UST: variants seen among roughly 807,000 people sequenced by gnomAD.
The protein encoded by UST is chondroitin sulfate 2-O-sulfotransferase.
UST carries 21 observed loss-of-function variants against 45.6 expected under a neutral mutation model. That is an observed-to-expected ratio of 0.46 (90% CI 0.33 to 0.66). UST has a LOEUF of 0.66. Ranked by LOEUF, UST falls within the 30% of genes least tolerant of loss-of-function variation. The pLI is 0.02. For synonymous variants in UST, 215 were observed against 200.6 expected (o/e 1.07, Z -0.61); for missense variants, 463 against 512.4 (o/e 0.90, Z 0.93).
chr6:149,061,796 C>G (rs1010892251), intron 7 of UST, among the ~76,000 whole-genome samples: 2 of 152,242 alleles, frequency 1.3e-5, no homozygotes, highest in African/African-American at 4.8e-5. Flanking sequence ...CAAAGAGCCA[C>G]AGTTCACATT....
intron 5 of UST, among the ~76,000 whole-genome samples, chr6:148,983,581 A>G (rs1781179605): frequency 6.6e-6 from 1 of 152,240 alleles, no homozygotes; most frequent in Non-Finnish European, 1.5e-5. Context: ...TGTCACACAG[A>G]GTTAACTCCT....
intron 5 of UST, among the ~76,000 whole-genome samples, chr6:148,975,070 G>T (rs146803254): frequency 4.4e-4 from 67 of 152,246 alleles, no homozygotes; most frequent in African/African-American, 1.6e-3. Context: ...ATAATCGATG[G>T]CATTCTATGT....
intron 6 of UST, among the ~76,000 whole-genome samples, chr6:149,020,262 G>A (rs1221067648): frequency 6.6e-6 from 1 of 152,112 alleles, no homozygotes; most frequent in African/African-American, 2.4e-5. Flanking sequence ...AGGAGTGTTG[G>A]TTTTTGACTT....
chr6:148,918,001 G>A (rs921766750), intron 2 of UST, among the ~76,000 whole-genome samples: 7 of 152,042 alleles, frequency 4.6e-5, no homozygotes, highest in Non-Finnish European at 1.0e-4. Context: ...TGTGGGTCCC[G>A]GGTGGCTGCA....
At chr6:148,989,945 T>C (rs1781316008) in intron 5 of UST, among the ~76,000 whole-genome samples, 1 of 152,232 alleles carries the variant, frequency 6.6e-6, no homozygotes, top group Admixed American at 6.5e-5. Flanking sequence ...TCTAAGTCGA[T>C]GAAAATCCAA....
chr6:149,001,679 T>C (rs577864561), intron 5 of UST, among the ~76,000 whole-genome samples: 25 of 152,298 alleles, frequency 1.6e-4, no homozygotes, highest in African/African-American at 6.0e-4. Flanking sequence ...TCCTACTTAC[T>C]GAGTTCATTA....
intron 2 of UST, among the ~76,000 whole-genome samples, chr6:148,928,415 T>C (rs1227429996): frequency 1.3e-5 from 2 of 152,214 alleles, no homozygotes; most frequent in Non-Finnish European, 2.9e-5. Context: ...GATCACAAAA[T>C]CCCAAGAGAT....
At chr6:149,045,466 G>T (rs1396798172) in intron 7 of UST, among the ~76,000 whole-genome samples, 2 of 152,166 alleles carry the variant, frequency 1.3e-5, no homozygotes, top group Non-Finnish European at 2.9e-5. Context: ...ATATTTTTGA[G>T]CCCAGATGAT....
intron 2 of UST, among the ~76,000 whole-genome samples, chr6:148,939,119 C>T (rs919221078): frequency 2.0e-5 from 3 of 152,006 alleles, no homozygotes; most frequent in Non-Finnish European, 2.9e-5. Context: ...TTTATAATGA[C>T]ATCAAAAAGA....
At chr6:148,815,663 A>G (rs1297167075) in intron 1 of UST, among the ~76,000 whole-genome samples, 1 of 152,256 alleles carries the variant, frequency 6.6e-6, no homozygotes, top group African/African-American at 2.4e-5. Flanking sequence ...TGTCTTGACC[A>G]GAAAGAAAAA....
At position 148,772,951 on chromosome 6, in the gene UST, C is replaced by T. The variant is rs572605083; in HGVS notation, c.247+25274C>T. ...CAACAACTTTATTAACATTTTTTTG[C>T]GAACCTCTTTTTCCAATTCAGCAAA... On this transcript the variant is annotated intron_variant, in intron 1 of 7. Coordinates refer to ENST00000367463, the MANE Select transcript of UST (RefSeq NM_005715.3). 2.8e-3 allele frequency among the ~76,000 whole-genome samples: 424 copies of T among 152,022 alleles called. 5 individuals are homozygous for T. The highest frequency in any genetic ancestry group is 9.7e-3 in the African/African-American group (404 of 41,490).
At chr6:148,827,348 C>T (rs1439923812) in intron 1 of UST, among the ~76,000 whole-genome samples, 1 of 152,046 alleles carries the variant, frequency 6.6e-6, no homozygotes, top group African/African-American at 2.4e-5. Context: ...TGGGGCCGGC[C>T]GCGGTGGTTC....
chr6:148,901,046 C>T (rs1779245935), intron 2 of UST, among the ~76,000 whole-genome samples: 1 of 152,224 alleles, frequency 6.6e-6, no homozygotes, highest in Non-Finnish European at 1.5e-5. Context: ...ATCCTCTCCT[C>T]AGCTCAGGAT....
chr6:148,983,271 G>A (rs1186164393), intron 5 of UST, among the ~76,000 whole-genome samples: 4 of 152,138 alleles, frequency 2.6e-5, no homozygotes, highest in African/African-American at 9.7e-5. Flanking sequence ...TCTTACCAGC[G>A]GCTCTTGGAA....
chr6:148,785,565 G>A (rs1776718908), intron 1 of UST, among the ~76,000 whole-genome samples: 3 of 152,322 alleles, frequency 2.0e-5, no homozygotes, highest in African/African-American at 7.2e-5. Flanking sequence ...GTGCAGAGTG[G>A]TTGAAGAATA....
chr6:149,003,634 T>C (rs1054335821), intron 5 of UST, among the ~76,000 whole-genome samples: 1 of 152,206 alleles, frequency 6.6e-6, no homozygotes, highest in Non-Finnish European at 1.5e-5. Context: ...CCTTCGAAAA[T>C]GTTTGTACAA....
intron 1 of UST, among the ~76,000 whole-genome samples, chr6:148,777,177 T>G (rs1776551078): frequency 6.6e-6 from 1 of 152,188 alleles, no homozygotes; most frequent in Non-Finnish European, 1.5e-5. Flanking sequence ...TAAAACCGAC[T>G]GCTCTTAATG....
intron 1 of UST, among the ~76,000 whole-genome samples, chr6:148,837,062 C>G (rs1460786226): frequency 6.6e-6 from 1 of 152,132 alleles, no homozygotes; most frequent in Non-Finnish European, 1.5e-5. Flanking sequence ...TTATAGTTCT[C>G]AAATGATCCC....
chr6:148,898,658 C>G lies in UST; in HGVS notation c.291+11629C>G, dbSNP rs118007109. Among the ~76,000 whole-genome samples the G allele has an allele frequency of 5.9e-3, 899 of 152,296 alleles. 9 individuals are homozygous for G. The highest frequency in any genetic ancestry group is 0.031 in the Middle Eastern group (9 of 294). On this transcript the variant is annotated intron_variant, in intron 2 of 7. Coordinates refer to ENST00000367463, the MANE Select transcript of UST (RefSeq NM_005715.3). ...CATAATGAATTCATTTCTTCCTCCA[C>G]AAATGTTTAGTGCTATTAAGCACAT...
Sources: allele counts gnomAD v4.1 joint callset (sites outside exome capture counted in the v4.1 genomes callset), GRCh38; gene constraint gnomAD v4.1.1; transcripts MANE v1.5; gene names NCBI Gene and HGNC (gene_info 2026-07-23, HGNC 2026-07-21).